Variants in RPRD1A observed in about 807,000 individuals in gnomAD.
The protein encoded by RPRD1A is regulation of nuclear pre-mRNA domain-containing protein 1A.
Under a neutral mutation model 37.8 loss-of-function variants are expected in RPRD1A, and 9 were observed. That is an observed-to-expected ratio of 0.24 (90% CI 0.14 to 0.42). The LOEUF is 0.42. Ranked by LOEUF, RPRD1A falls within the 10% of genes least tolerant of loss-of-function variation. The probability of loss-of-function intolerance (pLI) is 1.00; values close to 1 mark genes in which losing one functional copy is unlikely to be tolerated. For missense variants in RPRD1A, 255 were observed against 371.0 expected, an observed-to-expected ratio of 0.69 and a Z score of 2.57; for synonymous variants, 138 against 139.7, an observed-to-expected ratio of 0.99 and a Z score of 0.08.
At chr18:36,036,111 TG>T (rs200249780) in intron 1 of RPRD1A, among the ~76,000 whole-genome samples, 34 of 151,908 alleles carry the variant, frequency 2.2e-4, no homozygotes, top group African/African-American at 6.8e-4. Context: ...TTGTTTTTTT[TG>T]TTTGAGACAA....
In RPRD1A at chr18:36,067,480, C is replaced by T; in HGVS notation, c.-76G>A. 2 of 1,447,280 alleles carry T rather than the reference C, an allele frequency of 1.4e-6. No individual in the cohort carries two copies. Among genetic ancestry groups the T allele is most frequent in the Non-Finnish European group, 1.9e-6 (2 of 1,066,928 alleles). 89.7% of individuals were successfully genotyped at this position (1,447,280 alleles called of 1,614,324 possible). A position where few individuals can be genotyped will look rare whatever the true frequency, so the allele number is the denominator to read the frequency against. On this transcript the variant is annotated 5_prime_UTR_variant, in exon 1 of 7. Transcript: ENST00000399022. ...AGAGTTTCGCCGCCCTAGCTGCGGC[C>T]TCGCCCCCTCACCCCACCCTTCCCC...
At chr18:36,007,140 C>T (rs1478288825) in intron 6 of RPRD1A, among the ~76,000 whole-genome samples, 1 of 152,160 alleles carries the variant, frequency 6.6e-6, no homozygotes, top group Non-Finnish European at 1.5e-5. Context: ...GTGAAACTTC[C>T]AGTAGTTCTG....
chr18:36,061,129 CT>C lies in RPRD1A; in HGVS notation c.151+6124del, dbSNP rs565902763. Among the ~76,000 whole-genome samples the C allele has an allele frequency of 6.6e-5, 10 of 152,272 alleles. No individual in the cohort carries two copies. The East Asian group carries it at 1.9e-3, about 29-fold the overall frequency. On this transcript the variant is annotated intron_variant, in intron 1 of 6. Transcript: ENST00000399022. Reference sequence around the variant, plus strand: ...ACCCCCGCAACTTGTTCAAAGAGGTCTTTTATTAAACGTCACCTTGCAGAGA... The same window carrying C: ...ACCCCCGCAACTTGTTCAAAGAGGTCTTTATTAAACGTCACCTTGCAGAGA...
At chr18:36,067,197 G>T in intron 1 of RPRD1A, 57 bp downstream of exon 1, 1 of 1,503,850 alleles carries the variant, frequency 6.6e-7, no homozygotes, top group Non-Finnish European at 8.9e-7. Flanking sequence ...GGGTTCCCGG[G>T]GGCGCCTGGA....
intron 6 of RPRD1A, among the ~76,000 whole-genome samples, chr18:36,017,532 A>G (rs1475894910): frequency 6.6e-6 from 1 of 152,180 alleles, no homozygotes; most frequent in African/African-American, 2.4e-5. Flanking sequence ...GCCCTCCACA[A>G]TGTGGCTCCA....
At chr18:36,031,705 A>C (rs1280936031) in intron 2 of RPRD1A, among the ~76,000 whole-genome samples, 1 of 152,188 alleles carries the variant, frequency 6.6e-6, no homozygotes, top group Non-Finnish European at 1.5e-5. Flanking sequence ...AAACACTACT[A>C]TCTCTTGCTT....
rs1020771027 is a variant in RPRD1A at position 35,990,850 on chromosome 18, G to A, written c.*2301C>T. ...AGGCTTACCATGTTAATTATCACAC[G>A]GCTGAAAAGATGACTTCTAAATCAG... is the stretch of plus-strand genomic sequence containing the variant. On this transcript the variant is annotated 3_prime_UTR_variant, in exon 7 of 7. Transcript: ENST00000399022. 8.5e-5 allele frequency: 13 copies of A among 152,092 alleles called. No individual in the cohort carries two copies. In the East Asian group the frequency reaches 2.3e-3, roughly 27 times the overall value. The allele number at this position is 152,092 out of a possible 1,614,324, so 9.4% of individuals were successfully genotyped here. A position where few individuals can be genotyped will look rare whatever the true frequency, so the allele number is the denominator to read the frequency against.
rs79815643 is a variant in RPRD1A, at chr18:36,043,015, C to T, written c.152-9178G>A. Reference sequence around the variant, plus strand: ...TCATTAAGGATATTCATGACAGCATCGAGAAAGAACTGAATAAACCATGGC... The same window carrying T: ...TCATTAAGGATATTCATGACAGCATTGAGAAAGAACTGAATAAACCATGGC... On this transcript the variant is annotated intron_variant, in intron 1 of 6. Coordinates refer to ENST00000399022, the MANE Select transcript of RPRD1A (RefSeq NM_018170.5). 8.3e-3 allele frequency among the ~76,000 whole-genome samples: 1,267 copies of T among 152,028 alleles called. 13 individuals carry two copies. Among genetic ancestry groups the T allele is most frequent in the Non-Finnish European group, 0.013 (911 of 67,976 alleles).
Position 36,024,634 on chromosome 18 carries a change from T to C in RPRD1A, c.789+2266A>G, listed in dbSNP as rs1341958330. On this transcript the variant is annotated intron_variant, in intron 6 of 6. Coordinates refer to ENST00000399022, the MANE Select transcript of RPRD1A (RefSeq NM_018170.5). ...CCCGAACTGATACTTTAAATTTATGTTCCATTATCAAAAATGCAGCAACAA... is the reference window on the plus strand; with the variant it reads ...CCCGAACTGATACTTTAAATTTATGCTCCATTATCAAAAATGCAGCAACAA... Among the ~76,000 whole-genome samples the C allele has an allele frequency of 5.9e-5, 9 of 152,324 alleles. No homozygotes were observed. The South Asian group carries it at 8.3e-4, about 14-fold the overall frequency.
chr18:36,002,516 C>T (rs1384253014), intron 6 of RPRD1A, among the ~76,000 whole-genome samples: 1 of 152,128 alleles, frequency 6.6e-6, no homozygotes, highest in African/African-American at 2.4e-5. Context: ...CTCAAGTGAT[C>T]CTCCCACCTA....
chr18:36,007,907 C>A (rs1909851424), intron 6 of RPRD1A, among the ~76,000 whole-genome samples: 1 of 152,098 alleles, frequency 6.6e-6, no homozygotes. Context: ...CACTGCACTA[C>A]AGCCTGGGCG....
intron 1 of RPRD1A, among the ~76,000 whole-genome samples, chr18:36,047,838 T>C (rs577420457): frequency 1.1e-4 from 16 of 152,290 alleles, no homozygotes; most frequent in Non-Finnish European, 1.9e-4. Flanking sequence ...AATCTTAAAA[T>C]TCCCCAAAAA....
At chr18:36,065,470 A>AT (rs1264609194) in intron 1 of RPRD1A, among the ~76,000 whole-genome samples, 8 of 152,020 alleles carry the variant, frequency 5.3e-5, no homozygotes, top group Admixed American at 3.9e-4. Context: ...TTGTTTTCTT[A>AT]TTTTTTGTAA....
At position 36,007,794 on chromosome 18, in the gene RPRD1A, C is replaced by T. The variant is rs143809251; in HGVS notation, c.790-14494G>A. On this transcript the variant is annotated intron_variant, in intron 6 of 6. Coordinates refer to ENST00000399022, the MANE Select transcript of RPRD1A (RefSeq NM_018170.5). ...CTCTACCAAAAATACAAAAATTAGC[C>T]GGGCGTGGTGGCATGCACCTGTAGT... Among the ~76,000 whole-genome samples, 347 of 151,892 alleles carry T rather than the reference C, an allele frequency of 2.3e-3. 4 individuals are homozygous for T. In the East Asian group the frequency reaches 0.029, roughly 13 times the overall value.
At chr18:36,006,726 T>C (rs1909770810) in intron 6 of RPRD1A, among the ~76,000 whole-genome samples, 1 of 152,198 alleles carries the variant, frequency 6.6e-6, no homozygotes, top group Non-Finnish European at 1.5e-5. Flanking sequence ...GAAATGGTGC[T>C]GGATGATTAG....
chr18:36,015,485 A>C (rs1001536667), intron 6 of RPRD1A, among the ~76,000 whole-genome samples: 75 of 152,210 alleles, frequency 4.9e-4, no homozygotes, highest in African/African-American at 1.6e-3. Context: ...TACAGGCGTG[A>C]GCCACCATGC....
rs763225200 is a variant in RPRD1A at position 36,067,419 on chromosome 18, G to T, written c.-15C>A. ...AAGGCTGACATCCCTCCGACACCACGTTCACGCCGTCCCACGCGGTGGGGC... is the reference window on the plus strand; with the variant it reads ...AAGGCTGACATCCCTCCGACACCACTTTCACGCCGTCCCACGCGGTGGGGC... On this transcript the variant is annotated 5_prime_UTR_variant, in exon 1 of 7. Coordinates refer to ENST00000399022, the MANE Select transcript of RPRD1A (RefSeq NM_018170.5). 8.1e-6 allele frequency: 13 copies of T among 1,601,526 alleles called. No homozygotes were observed. The highest frequency in any genetic ancestry group is 1.3e-5 in the African/African-American group (1 of 74,636).
intron 1 of RPRD1A, among the ~76,000 whole-genome samples, chr18:36,040,526 AACAAAAAG>A (rs1912503763): frequency 6.6e-6 from 1 of 152,060 alleles, no homozygotes; most frequent in Admixed American, 6.5e-5. Context: ...TCATTTTATA[AACAAAAAG>A]AGAAGTACTG....
chr18:36,063,876 A>C (rs2088964388), intron 1 of RPRD1A: 1 of 152,248 alleles, frequency 6.6e-6, no homozygotes, highest in South Asian at 2.1e-4. Context: ...TATGTTCATC[A>C]GCATCACCGT....
Sources: gnomAD v4.1 joint callset for allele counts (sites outside exome capture counted in the v4.1 genomes callset) on GRCh38, gnomAD v4.1.1 for gene constraint, MANE v1.5 for transcripts, NCBI Gene and HGNC (gene_info 2026-07-23, HGNC 2026-07-21) for gene names.